SUGCT: variants seen among roughly 807,000 people sequenced by gnomAD.
SUGCT encodes succinyl-CoA:glutarate-CoA transferase.
SUGCT carries 41 observed loss-of-function variants against 55.0 expected under a neutral mutation model. That is an observed-to-expected ratio of 0.74 (90% CI 0.58 to 0.97). The LOEUF is 0.97. Among genes scored for constraint, SUGCT ranks in the 50% least tolerant of loss-of-function variants. The pLI is 0.00. For synonymous variants in SUGCT, 187 were observed against 200.4 expected (o/e 0.93, Z 0.56); for missense variants, 568 against 547.8 (o/e 1.04, Z -0.37).
intron 8 of SUGCT, among the ~76,000 whole-genome samples, chr7:40,279,664 A>G (rs1792821736): frequency 6.6e-6 from 1 of 152,190 alleles, no homozygotes; most frequent in South Asian, 2.1e-4. Flanking sequence ...TATCATAATT[A>G]TGATAACGTT....
At chr7:40,390,366 G>A (rs1304582904) in intron 9 of SUGCT, among the ~76,000 whole-genome samples, 4 of 152,186 alleles carry the variant, frequency 2.6e-5, no homozygotes, top group Non-Finnish European at 4.4e-5. Context: ...CAGATGACAT[G>A]ACTGTATATT....
chr7:41,035,880 C>T, the SUGCT span, among the ~76,000 whole-genome samples: 7 of 152,164 alleles, frequency 4.6e-5, no homozygotes, highest in African/African-American at 1.7e-4. Flanking sequence ...CTCCCATCTG[C>T]CTCACATGAT....
the SUGCT span, among the ~76,000 whole-genome samples, chr7:41,012,371 G>A: frequency 6.6e-6 from 1 of 152,162 alleles, no homozygotes; most frequent in Non-Finnish European, 1.5e-5. Flanking sequence ...AGTGTCTGGT[G>A]GGTCTGAGTT....
chr7:40,272,774 C>G (rs1037102819), intron 7 of SUGCT, among the ~76,000 whole-genome samples: 15 of 151,654 alleles, frequency 9.9e-5, no homozygotes, highest in African/African-American at 3.6e-4. Context: ...GTTCTCCTGC[C>G]TCAGTCTCCT....
chr7:40,675,057 A>T (rs1200663455), intron 12 of SUGCT, among the ~76,000 whole-genome samples: 1 of 150,874 alleles, frequency 6.6e-6, no homozygotes, highest in Non-Finnish European at 1.5e-5. Context: ...ATGTATTTCT[A>T]AAATCTTTTT....
intron 9 of SUGCT, among the ~76,000 whole-genome samples, chr7:40,415,107 T>TCTATCTAA (rs1554334919): frequency 0.029 from 3,069 of 107,122 alleles, 140 homozygotes; most frequent in Middle Eastern, 0.03. Flanking sequence ...TATCTATCTA[T>TCTATCTAA]CTATCTATAT....
At chr7:40,474,972 T>C (rs1380491090) in intron 11 of SUGCT, among the ~76,000 whole-genome samples, 1 of 152,174 alleles carries the variant, frequency 6.6e-6, no homozygotes, top group African/African-American at 2.4e-5. Flanking sequence ...AGCAGCATAG[T>C]GTGATGGTAG....
intron 1 of SUGCT, among the ~76,000 whole-genome samples, chr7:40,168,941 C>G (rs905610703): frequency 6.6e-6 from 1 of 151,984 alleles, no homozygotes; most frequent in African/African-American, 2.4e-5. Flanking sequence ...TTCTATTTCC[C>G]TTTTCTTTCC....
chr7:40,448,946 G>GTATA (rs1298814067), intron 9 of SUGCT, among the ~76,000 whole-genome samples: 3 of 145,400 alleles, frequency 2.1e-5, no homozygotes, highest in African/African-American at 5.3e-5. Context: ...GTGTGTGTGT[G>GTATA]TGTGTATATA....
intron 13 of SUGCT, among the ~76,000 whole-genome samples, chr7:40,838,612 G>A (rs1466875581): frequency 6.6e-6 from 1 of 150,520 alleles, no homozygotes; most frequent in East Asian, 2.1e-4. Context: ...GTATCCTAAG[G>A]CCTTCATTAC....
chr7:40,674,438 C>T (rs1194191093), intron 12 of SUGCT, among the ~76,000 whole-genome samples: 1 of 152,174 alleles, frequency 6.6e-6, no homozygotes, highest in African/African-American at 2.4e-5. Flanking sequence ...CCCTGGCTCT[C>T]TACTGAAATA....
chr7:40,370,130 A>G lies in SUGCT; in HGVS notation c.816+53275A>G, dbSNP rs540269638. ...GGAATGTGTATTTTGATCTACTGCC[A>G]GGGTCAGTTCTCACTGGCAATCCAT... On this transcript the variant is annotated intron_variant, in intron 9 of 13. Transcript: ENST00000335693. 1.5e-4 allele frequency among the ~76,000 whole-genome samples: 23 copies of G among 152,024 alleles called. No homozygotes were observed. The South Asian group carries it at 4.1e-3, about 27-fold the overall frequency.
At position 40,301,728 on chromosome 7, in the gene SUGCT, A is replaced by G. The variant is rs564818976; in HGVS notation, c.721-15032A>G. Reference sequence around the variant, plus strand: ...TGCCAGCTGTGCAGTGGATCATACAAGTAATCGTCAGATTCACCATTACAT... The same window carrying G: ...TGCCAGCTGTGCAGTGGATCATACAGGTAATCGTCAGATTCACCATTACAT... On this transcript the variant is annotated intron_variant, in intron 8 of 13. Transcript: ENST00000335693. Among the ~76,000 whole-genome samples the G allele has an allele frequency of 3.3e-5, 5 of 152,366 alleles. 1 individual carries two copies. The South Asian group carries it at 1.0e-3, about 32-fold the overall frequency.
At chr7:40,713,248 C>A (rs1785823610) in intron 12 of SUGCT, among the ~76,000 whole-genome samples, 1 of 152,186 alleles carries the variant, frequency 6.6e-6, no homozygotes, top group Non-Finnish European at 1.5e-5. Flanking sequence ...TGCAGGCTGA[C>A]CCTCTCCCAG....
chr7:40,636,802 A>G (rs537072233), intron 12 of SUGCT, among the ~76,000 whole-genome samples: 2 of 148,772 alleles, frequency 1.3e-5, no homozygotes, highest in African/African-American at 5.2e-5. Context: ...TTAAAAAGCC[A>G]TATTGTCTGC....
At chr7:40,792,561 G>A (rs1036512932) in intron 13 of SUGCT, among the ~76,000 whole-genome samples, 7 of 152,198 alleles carry the variant, frequency 4.6e-5, no homozygotes, top group African/African-American at 1.4e-4. Context: ...AAATATGCTG[G>A]ACTTGTAGCT....
the SUGCT span, among the ~76,000 whole-genome samples, chr7:40,990,332 C>A: frequency 6.6e-6 from 1 of 152,176 alleles, no homozygotes; most frequent in Admixed American, 6.5e-5. Context: ...CTGCAATAAC[C>A]TAATAAAAGG....
intron 9 of SUGCT, among the ~76,000 whole-genome samples, chr7:40,338,874 G>T (rs1407984613): frequency 1.3e-5 from 2 of 152,058 alleles, no homozygotes; most frequent in South Asian, 2.1e-4. Flanking sequence ...CCATCTTTGT[G>T]GTTTTATCTA....
At chr7:41,004,858 A>T in the SUGCT span, among the ~76,000 whole-genome samples, 1 of 152,194 alleles carries the variant, frequency 6.6e-6, no homozygotes, top group Non-Finnish European at 1.5e-5. Flanking sequence ...CAAGTAACTG[A>T]TCCCTTCCCC....
Sources: allele counts gnomAD v4.1 joint callset (sites outside exome capture counted in the v4.1 genomes callset), GRCh38; gene constraint gnomAD v4.1.1; transcripts MANE v1.5; gene names NCBI Gene and HGNC (gene_info 2026-07-23, HGNC 2026-07-21).